UGT2B4: variants seen among roughly 807,000 people sequenced by gnomAD.
The protein encoded by UGT2B4 is UDP glucuronosyltransferase family 2 member B4.
Under a neutral mutation model 49.8 loss-of-function variants are expected in UGT2B4, and 49 were observed. The observed-to-expected ratio is 0.98, with a 90% CI of 0.78 to 1.25. UGT2B4 has a LOEUF of 1.25. Ranked by LOEUF, UGT2B4 falls within the 50% of genes most tolerant of loss-of-function variation. UGT2B4 has a pLI of 0.00. For synonymous variants in UGT2B4, 246 were observed against 217.7 expected, an observed-to-expected ratio of 1.13 and a Z score of -1.14; for missense variants, 729 against 627.7, an observed-to-expected ratio of 1.16 and a Z score of -1.73.
At chr4:69,512,685 A>AT (rs1253556137) in intron 1 of UGT2B4, among the ~76,000 whole-genome samples, 7 of 150,878 alleles carry the variant, frequency 4.6e-5, no homozygotes, top group Non-Finnish European at 8.9e-5. Context: ...GTGTAAAACC[A>AT]TTTTTTTCTC....
chr4:69,525,896 T>C (rs1035880826), exon 1 of UGT2B4: 3 of 255,834 alleles, frequency 1.2e-5, no homozygotes, highest in Non-Finnish European at 2.2e-5. Context: ...GGTCAGGAGA[T>C]CCAGACCATC....
At chr4:69,519,639 T>C (rs946138675) in intron 1 of UGT2B4, among the ~76,000 whole-genome samples, 66 of 152,186 alleles carry the variant, frequency 4.3e-4, no homozygotes, top group African/African-American at 1.4e-3. Flanking sequence ...CATCTCTAAA[T>C]ACCTCCTTCA....
chr4:69,506,106 C>T (rs1273919406), intron 1 of UGT2B4, among the ~76,000 whole-genome samples: 1 of 151,978 alleles, frequency 6.6e-6, no homozygotes, highest in Non-Finnish European at 1.5e-5. Flanking sequence ...GGACTAAATG[C>T]CCGCATTGGA....
At chr4:69,508,696 T>G (rs927591756) in intron 1 of UGT2B4, among the ~76,000 whole-genome samples, 1 of 151,702 alleles carries the variant, frequency 6.6e-6, no homozygotes, top group African/African-American at 2.4e-5. Context: ...GACACTAGGG[T>G]CTATTTGAGG....
At chr4:69,504,554 A>G (rs1041354204) in intron 1 of UGT2B4, among the ~76,000 whole-genome samples, 14 of 152,152 alleles carry the variant, frequency 9.2e-5, no homozygotes, top group African/African-American at 3.4e-4. Context: ...ATAGAAAAAG[A>G]AAGAATGAAA....
chr4:69,491,112 T>C (rs1727972530), intron 2 of UGT2B4, among the ~76,000 whole-genome samples: 1 of 152,168 alleles, frequency 6.6e-6, no homozygotes, highest in Non-Finnish European at 1.5e-5. Flanking sequence ...GCTTTTGTTC[T>C]ATCTTTATAG....
chr4:69,496,423 T>C (rs1387828745), upstream of UGT2B4, among the ~76,000 whole-genome samples: 1 of 152,152 alleles, frequency 6.6e-6, no homozygotes, highest in African/African-American at 2.4e-5. Flanking sequence ...TGCATAAGAG[T>C]AGCAGTGAGA....
intron 1 of UGT2B4, among the ~76,000 whole-genome samples, chr4:69,506,689 T>C (rs111869432): frequency 1.3e-5 from 2 of 151,646 alleles, no homozygotes; most frequent in African/African-American, 4.9e-5. Flanking sequence ...TTTCAAAGAA[T>C]TGTGGAAAAG....
intron 5 of UGT2B4, among the ~76,000 whole-genome samples, chr4:69,482,606 CT>C (rs201619696): frequency 1.4e-4 from 21 of 150,942 alleles, no homozygotes; most frequent in South Asian, 2.1e-4. Flanking sequence ...ATATATACTC[CT>C]TTTTTTTTCC....
intron 4 of UGT2B4, among the ~76,000 whole-genome samples, chr4:69,486,286 C>T (rs545476750): frequency 6.6e-6 from 1 of 151,970 alleles, no homozygotes; most frequent in Non-Finnish European, 1.5e-5. Context: ...TGAAATAACC[C>T]TACAGAGGAG....
chr4:69,489,622 C>T (rs1201874588), intron 2 of UGT2B4, 52 bp from the exon 3 acceptor site: 1 of 1,559,318 alleles, frequency 6.4e-7, no homozygotes, highest in South Asian at 1.2e-5. Flanking sequence ...GCACAGCAAG[C>T]ACTGTGAAAG....
chr4:69,522,431 C>T (rs898204775), intron 1 of UGT2B4, among the ~76,000 whole-genome samples: 6 of 152,102 alleles, frequency 3.9e-5, no homozygotes, highest in Non-Finnish European at 8.8e-5. Context: ...GTGAACATTG[C>T]AATAAACTCA....
chr4:69,501,774 G>A (rs978816170), intron 1 of UGT2B4, among the ~76,000 whole-genome samples: 1 of 152,058 alleles, frequency 6.6e-6, no homozygotes, highest in African/African-American at 2.4e-5. Context: ...TTGAGGTTTG[G>A]AGGTTCCAAG....
upstream of UGT2B4, among the ~76,000 whole-genome samples, chr4:69,499,038 A>G (rs1055264838): frequency 5.9e-5 from 9 of 152,118 alleles, 1 homozygote; most frequent in Non-Finnish European, 1.0e-4. Context: ...CTTTAGCCGC[A>G]TCTCAGAGAT....
intron 2 of UGT2B4, among the ~76,000 whole-genome samples, chr4:69,490,517 T>G (rs1230265385): frequency 6.6e-6 from 1 of 152,116 alleles, no homozygotes; most frequent in Non-Finnish European, 1.5e-5. Context: ...AAAATCTTAG[T>G]GAAGATGTAC....
chr4:69,496,038 C>A, upstream of UGT2B4: 4 of 1,074,258 alleles, frequency 3.7e-6, no homozygotes, highest in Admixed American at 3.1e-5. Flanking sequence ...AGGTAGATGA[C>A]CTGTTTACAC....
At chr4:69,481,602 G>C (rs1727593193) in intron 5 of UGT2B4, among the ~76,000 whole-genome samples, 1 of 152,120 alleles carries the variant, frequency 6.6e-6, no homozygotes, top group Non-Finnish European at 1.5e-5. Flanking sequence ...GCTGCAGTGT[G>C]AAATAATCAC....
chr4:69,525,022 A>G (rs1194872591), intron 1 of UGT2B4, among the ~76,000 whole-genome samples: 1 of 152,212 alleles, frequency 6.6e-6, no homozygotes. Context: ...TGTGTGCCAG[A>G]GATTATTTTT....
chr4:69,502,070 CT>C (rs1728332516), intron 1 of UGT2B4, among the ~76,000 whole-genome samples: 5 of 134,404 alleles, frequency 3.7e-5, no homozygotes, highest in Admixed American at 7.4e-5. Flanking sequence ...TTCCTTCCTT[CT>C]TTTCTTTCTT....
Sources: gnomAD v4.1 joint callset for allele counts (sites outside exome capture counted in the v4.1 genomes callset) on GRCh38, gnomAD v4.1.1 for gene constraint, MANE v1.5 for transcripts, NCBI Gene and HGNC (gene_info 2026-07-23, HGNC 2026-07-21) for gene names.